The following SETD3 variants were observed in gnomAD, a reference collection of about 807,000 sequenced individuals.
SETD3 encodes actin-histidine N-methyltransferase.
In SETD3, 19 loss-of-function variants were observed where a neutral mutation model predicts 63.0. The observed-to-expected ratio is 0.30, with a 90% CI of 0.21 to 0.44. SETD3 has a LOEUF of 0.44. Ranked by LOEUF, SETD3 falls within the 20% of genes least tolerant of loss-of-function variation. The probability of loss-of-function intolerance (pLI) is 1.00; values close to 1 mark genes in which losing one functional copy is unlikely to be tolerated. For missense variants in SETD3, 587 were observed against 728.5 expected (o/e 0.81, Z 2.24); for synonymous variants, 286 against 264.1 (o/e 1.08, Z -0.80).
chr14:99,439,478 C>T (rs1893666704), intron 6 of SETD3, among the ~76,000 whole-genome samples: 1 of 151,956 alleles, frequency 6.6e-6, no homozygotes, highest in African/African-American at 2.4e-5. Context: ...AAGGCAAGGA[C>T]CTCATGTTGA....
At chr14:99,438,682 G>A (rs929887426) in intron 6 of SETD3, among the ~76,000 whole-genome samples, 2 of 152,026 alleles carry the variant, frequency 1.3e-5, no homozygotes, top group East Asian at 1.9e-4. Flanking sequence ...CCTCCAAACC[G>A]TCCACCTCCC....
chr14:99,410,339 T>A, intron 8 of SETD3: 3 of 1,322,660 alleles, frequency 2.3e-6, no homozygotes, highest in Non-Finnish European at 3.1e-6. Context: ...GTAAGACTCA[T>A]CTAAATATAA....
At chr14:99,440,173 T>C (rs1182766965) in intron 6 of SETD3, among the ~76,000 whole-genome samples, 1 of 152,232 alleles carries the variant, frequency 6.6e-6, no homozygotes, top group Non-Finnish European at 1.5e-5. Flanking sequence ...TACTATGTTC[T>C]TCCCGATGAG....
At chr14:99,462,806 AC>A (rs1461492641) in intron 3 of SETD3, among the ~76,000 whole-genome samples, 1 of 152,092 alleles carries the variant, frequency 6.6e-6, no homozygotes, top group African/African-American at 2.4e-5. Flanking sequence ...TAAAAAACAA[AC>A]CCTCTCCTGA....
intron 6 of SETD3, among the ~76,000 whole-genome samples, chr14:99,415,256 T>C (rs1680547002): frequency 6.6e-6 from 1 of 152,240 alleles, no homozygotes; most frequent in Non-Finnish European, 1.5e-5. Flanking sequence ...ATTTAAACTG[T>C]AGAATTAAAC....
intron 6 of SETD3, among the ~76,000 whole-genome samples, chr14:99,415,518 A>G (rs1892244087): frequency 6.6e-6 from 1 of 152,188 alleles, no homozygotes; most frequent in South Asian, 2.1e-4. Flanking sequence ...TTAACTCTTC[A>G]AAATGTTTCT....
intron 6 of SETD3, among the ~76,000 whole-genome samples, chr14:99,456,075 G>C (rs985638904): frequency 2.0e-5 from 3 of 152,178 alleles, no homozygotes; most frequent in Admixed American, 2.0e-4. Context: ...AGGATTGCTT[G>C]AGCCCGGAGG....
intron 1 of SETD3, among the ~76,000 whole-genome samples, chr14:99,474,091 C>T (rs553367676): frequency 3.3e-5 from 5 of 152,210 alleles, no homozygotes; most frequent in East Asian, 1.9e-4. Context: ...GAGGCCAAGG[C>T]GGGTGGATCA....
At chr14:99,442,675 T>C (rs1893892224) in intron 6 of SETD3, among the ~76,000 whole-genome samples, 1 of 152,270 alleles carries the variant, frequency 6.6e-6, no homozygotes. Context: ...GCTTACTTTA[T>C]TGTAATACAG....
chr14:99,398,577 C>T lies in SETD3; in HGVS notation c.*102G>A. On this transcript the variant is annotated 3_prime_UTR_variant, in exon 13 of 13. Coordinates refer to ENST00000331768, the MANE Select transcript of SETD3 (RefSeq NM_032233.3). ...TATAAAGCAGCAAAAACATATCTTCCTCTCTGCAGAAAGAAAAATGTTAAC... is the reference window on the plus strand; with the variant it reads ...TATAAAGCAGCAAAAACATATCTTCTTCTCTGCAGAAAGAAAAATGTTAAC... 2.7e-6 allele frequency: 3 copies of T among 1,121,298 alleles called. No homozygotes were observed. The highest frequency in any genetic ancestry group is 2.5e-6 in the Non-Finnish European group (2 of 786,114). 69.5% of individuals were successfully genotyped at this position (1,121,298 alleles called of 1,614,324 possible). A position where few individuals can be genotyped will look rare whatever the true frequency, so the allele number is the denominator to read the frequency against.
intron 6 of SETD3, among the ~76,000 whole-genome samples, chr14:99,430,248 C>T (rs2139687830): frequency 6.6e-6 from 1 of 152,290 alleles, no homozygotes; most frequent in Non-Finnish European, 1.5e-5. Context: ...CACACACATG[C>T]ACAATGGGAG....
chr14:99,460,106 T>C (rs1025652700), intron 4 of SETD3, among the ~76,000 whole-genome samples: 2 of 152,218 alleles, frequency 1.3e-5, no homozygotes, highest in African/African-American at 4.8e-5. Context: ...TTAAGTTATT[T>C]GTACCTGTCT....
intron 6 of SETD3, among the ~76,000 whole-genome samples, chr14:99,418,703 C>T (rs574265611): frequency 6.6e-6 from 1 of 152,192 alleles, no homozygotes; most frequent in East Asian, 1.9e-4. Flanking sequence ...CCTATAGAGA[C>T]CCCCTTCCTC....
chr14:99,399,216 G>C (rs1054040902), intron 12 of SETD3, 91 bp from the exon 13 acceptor site: 180 of 1,178,518 alleles, frequency 1.5e-4, no homozygotes, highest in Non-Finnish European at 2.1e-4. Flanking sequence ...GGGGACATGA[G>C]GGAACTTTTT....
At chr14:99,459,848 C>T (rs1219801408) in intron 4 of SETD3, among the ~76,000 whole-genome samples, 1 of 152,212 alleles carries the variant, frequency 6.6e-6, no homozygotes, top group Admixed American at 6.5e-5. Context: ...CAGCTGTCTG[C>T]AAACCAAGAA....
At chr14:99,441,295 G>C (rs1356047734) in intron 6 of SETD3, among the ~76,000 whole-genome samples, 1 of 152,224 alleles carries the variant, frequency 6.6e-6, no homozygotes, top group Non-Finnish European at 1.5e-5. Context: ...TGTGTGCACA[G>C]AGGGCTCACA....
At chr14:99,440,887 A>C (rs1245321380) in intron 6 of SETD3, among the ~76,000 whole-genome samples, 3 of 152,180 alleles carry the variant, frequency 2.0e-5, no homozygotes, top group Non-Finnish European at 4.4e-5. Flanking sequence ...ATCTGAAGAG[A>C]TGCTCGATTA....
chr14:99,476,009 G>A (rs1895953846), intron 1 of SETD3, among the ~76,000 whole-genome samples: 1 of 152,208 alleles, frequency 6.6e-6, no homozygotes, highest in Non-Finnish European at 1.5e-5. Flanking sequence ...GCCATGTCCT[G>A]TGTCCTATGG....
intron 11 of SETD3, among the ~76,000 whole-genome samples, chr14:99,403,451 A>ACTCTCTCTCTCT (rs1316443573): frequency 6.7e-4 from 72 of 107,092 alleles, no homozygotes; most frequent in African/African-American, 1.1e-3. Flanking sequence ...ACACACACAC[A>ACTCTCTCTCTCT]CACACTCTCT....
Sources: gnomAD v4.1 joint callset for allele counts (sites outside exome capture counted in the v4.1 genomes callset) on GRCh38, gnomAD v4.1.1 for gene constraint, MANE v1.5 for transcripts, NCBI Gene and HGNC (gene_info 2026-07-23, HGNC 2026-07-21) for gene names.